ENTREP2: variants seen among roughly 807,000 people sequenced by gnomAD.
ENTREP2 encodes the protein endosomal transmembrane epsin interactor 2.
the ENTREP2 span, among the ~76,000 whole-genome samples, chr15:29,466,595 G>A: frequency 7.1e-6 from 1 of 140,514 alleles, no homozygotes; most frequent in Non-Finnish European, 1.6e-5. Context: ...AGGGGAGGAT[G>A]CTGCAGCCCC....
At chr15:29,626,430 C>T in the ENTREP2 span, among the ~76,000 whole-genome samples, 1 of 152,190 alleles carries the variant, frequency 6.6e-6, no homozygotes, top group Non-Finnish European at 1.5e-5. Flanking sequence ...TTGCCTGCCT[C>T]CATGTAGGAT....
chr15:29,559,153 T>C, the ENTREP2 span, among the ~76,000 whole-genome samples: 1 of 152,122 alleles, frequency 6.6e-6, no homozygotes, highest in Non-Finnish European at 1.5e-5. Flanking sequence ...GAAACACTGT[T>C]AGAATCGCGT....
chr15:29,536,829 G>A, the ENTREP2 span, among the ~76,000 whole-genome samples: 3 of 152,054 alleles, frequency 2.0e-5, no homozygotes, highest in African/African-American at 4.8e-5. Context: ...AGGTGAAGAC[G>A]GAGGCAGAGA....
the ENTREP2 span, among the ~76,000 whole-genome samples, chr15:29,635,530 G>A: frequency 1.9e-3 from 285 of 152,274 alleles, 1 homozygote; most frequent in African/African-American, 6.4e-3. Context: ...AGAGGAGCTC[G>A]GAAGTGTGGC....
At chr15:29,193,701 G>A in the ENTREP2 span, among the ~76,000 whole-genome samples, 81 of 152,268 alleles carry the variant, frequency 5.3e-4, no homozygotes, top group Non-Finnish European at 9.1e-4. Flanking sequence ...AATGGAAGAC[G>A]TAAAATTGCC....
At chr15:29,131,792 G>A in the ENTREP2 span, among the ~76,000 whole-genome samples, 2 of 148,454 alleles carry the variant, frequency 1.3e-5, no homozygotes, top group Non-Finnish European at 3.0e-5. Context: ...GGCCACCGTC[G>A]TCAGTGGCCC....
the ENTREP2 span, among the ~76,000 whole-genome samples, chr15:29,653,144 CACAAA>C: frequency 3.3e-5 from 5 of 152,100 alleles, no homozygotes; most frequent in South Asian, 4.1e-4. Context: ...TGCACCTTAA[CACAAA>C]ACAAAACAAA....
the ENTREP2 span, among the ~76,000 whole-genome samples, chr15:29,137,811 A>G: frequency 2.0e-5 from 3 of 152,114 alleles, no homozygotes; most frequent in Non-Finnish European, 4.4e-5. Flanking sequence ...ACTCCAGCCT[A>G]GGCAACAGAC....
the ENTREP2 span, among the ~76,000 whole-genome samples, chr15:29,257,487 A>G: frequency 1.3e-5 from 2 of 152,276 alleles, no homozygotes; most frequent in South Asian, 4.1e-4. Context: ...ATATCTTTTT[A>G]TAGGTTTCCC....
At chr15:29,640,309 AG>A in the ENTREP2 span, among the ~76,000 whole-genome samples, 5 of 152,196 alleles carry the variant, frequency 3.3e-5, no homozygotes, top group Non-Finnish European at 7.3e-5. Context: ...AACTGATTCT[AG>A]GGAAACATAG....
the ENTREP2 span, among the ~76,000 whole-genome samples, chr15:29,602,855 C>A: frequency 6.6e-6 from 1 of 152,222 alleles, no homozygotes; most frequent in Non-Finnish European, 1.5e-5. Flanking sequence ...ACCAGCCTAA[C>A]AGCCAAAGTG....
the ENTREP2 span, among the ~76,000 whole-genome samples, chr15:29,306,015 T>C: frequency 1.3e-5 from 2 of 152,196 alleles, no homozygotes; most frequent in Non-Finnish European, 2.9e-5. Context: ...ATGGAGCATG[T>C]GTTTCAAATG....
the ENTREP2 span, among the ~76,000 whole-genome samples, chr15:29,507,511 A>T: frequency 1.3e-5 from 2 of 152,198 alleles, no homozygotes; most frequent in African/African-American, 4.8e-5. Flanking sequence ...TTGGAAGTAA[A>T]ACACTCCTCA....
the ENTREP2 span, among the ~76,000 whole-genome samples, chr15:29,304,483 G>A: frequency 6.6e-6 from 1 of 152,154 alleles, no homozygotes; most frequent in Non-Finnish European, 1.5e-5. Context: ...TTAACACTAA[G>A]AAAATCACTC....
the ENTREP2 span, among the ~76,000 whole-genome samples, chr15:29,187,720 T>C: frequency 2.6e-5 from 4 of 152,192 alleles, no homozygotes; most frequent in African/African-American, 4.8e-5. Flanking sequence ...AAAACTCTTA[T>C]TGATTTCAAA....
chr15:29,464,562 C>T, the ENTREP2 span, among the ~76,000 whole-genome samples: 118 of 152,312 alleles, frequency 7.7e-4, no homozygotes, highest in South Asian at 0.024. Flanking sequence ...GTGAGTACTT[C>T]AGGAAGCAAG....
the ENTREP2 span, among the ~76,000 whole-genome samples, chr15:29,356,330 G>A: frequency 4.1e-5 from 3 of 72,772 alleles, no homozygotes; most frequent in African/African-American, 1.0e-4. Context: ...TTTTTGAGAC[G>A]GAGTCTCGCT....
chr15:29,145,053 CA>C, the ENTREP2 span, among the ~76,000 whole-genome samples: 3 of 151,658 alleles, frequency 2.0e-5, no homozygotes, highest in Non-Finnish European at 4.4e-5. Flanking sequence ...GACTCCATCT[CA>C]AAAAAAATTT....
the ENTREP2 span, among the ~76,000 whole-genome samples, chr15:29,556,770 C>CCA: frequency 8.4e-4 from 121 of 144,498 alleles, 2 homozygotes; most frequent in East Asian, 1.9e-3. Flanking sequence ...GTGCCCCCCC[C>CCA]CCGCCCCACA....
Sources: gnomAD v4.1 joint callset for allele counts (sites outside exome capture counted in the v4.1 genomes callset) on GRCh38, gnomAD v4.1.1 for gene constraint, MANE v1.5 for transcripts, NCBI Gene and HGNC (gene_info 2026-07-23, HGNC 2026-07-21) for gene names.